The following ZFPM2 variants were observed in gnomAD, a reference collection of about 807,000 sequenced individuals.
ZFPM2 encodes the protein zinc finger protein, FOG family member 2, also known as zinc finger protein ZFPM2.
A neutral mutation model predicts 98.6 loss-of-function variants in ZFPM2; 20 were observed. That is an observed-to-expected ratio of 0.20 (90% CI 0.14 to 0.29). The LOEUF (loss-of-function observed/expected upper bound fraction) is 0.29, where lower values mean the gene tolerates loss of function less well. Ranked by LOEUF, ZFPM2 falls within the 10% of genes least tolerant of loss-of-function variation. The probability of loss-of-function intolerance (pLI) is 1.00; values close to 1 mark genes in which losing one functional copy is unlikely to be tolerated. For missense variants in ZFPM2, 1,310 were observed against 1,388.6 expected (o/e 0.94, Z 0.90); for synonymous variants, 518 against 502.7 (o/e 1.03, Z -0.41).
At chr8:105,326,205 A>C (rs1812112431) in intron 1 of ZFPM2, among the ~76,000 whole-genome samples, 1 of 151,788 alleles carries the variant, frequency 6.6e-6, no homozygotes, top group African/African-American at 2.4e-5. Context: ...ATTCCTACAA[A>C]TATAATAAAA....
intron 5 of ZFPM2, among the ~76,000 whole-genome samples, chr8:105,634,884 A>G (rs974056972): frequency 1.3e-5 from 2 of 152,162 alleles, no homozygotes; most frequent in African/African-American, 4.8e-5. Context: ...TCTAAAGAGG[A>G]AGCTGATGAC....
At chr8:105,739,161 C>T (rs902779694) in intron 5 of ZFPM2, among the ~76,000 whole-genome samples, 1 of 151,994 alleles carries the variant, frequency 6.6e-6, no homozygotes, top group African/African-American at 2.4e-5. Flanking sequence ...CTGTAAACAA[C>T]TGCATGTTTT....
chr8:105,631,383 A>G (rs1816752324), intron 4 of ZFPM2, among the ~76,000 whole-genome samples: 1 of 152,206 alleles, frequency 6.6e-6, no homozygotes, highest in Admixed American at 6.5e-5. Flanking sequence ...TGCTTTCTAC[A>G]TAGCAAAAAG....
In ZFPM2 at chr8:105,803,054, A is replaced by T; in HGVS notation, c.2972A>T (p.Asp991Val). 1 of 1,613,736 alleles carries T rather than the reference A, an allele frequency of 6.2e-7. No homozygotes were observed. The highest frequency in any genetic ancestry group is 1.1e-5 in the South Asian group (1 of 91,056). Reference protein sequence around the residue: ...LSPYYGIKPSDYISGSLVIHN... With the variant: ...LSPYYGIKPSVYISGSLVIHN... ...CCATATTATGGAATCAAGCCAAGTGATTATATTTCTGGTTCTCTTGTCATC... is the reference window on the plus strand; with the variant it reads ...CCATATTATGGAATCAAGCCAAGTGTTTATATTTCTGGTTCTCTTGTCATC... Residue 991 changes from aspartate to valine, a missense_variant, in exon 8 of 8, where the codon GAT becomes GTT. By Grantham distance (152) the Asp-to-Val change is radical. Coordinates refer to ENST00000407775, the MANE Select transcript of ZFPM2 (RefSeq NM_012082.4).
chr8:105,627,411 A>G (rs527853736), intron 4 of ZFPM2, among the ~76,000 whole-genome samples: 2 of 152,262 alleles, frequency 1.3e-5, no homozygotes, highest in African/African-American at 4.8e-5. Flanking sequence ...AAAAGTGCAC[A>G]AGATTTCTTT....
chr8:105,564,885 G>C (rs1225976681), intron 4 of ZFPM2, among the ~76,000 whole-genome samples: 4 of 152,118 alleles, frequency 2.6e-5, no homozygotes, highest in Middle Eastern at 3.4e-3. Flanking sequence ...CTGGAGTTTT[G>C]TTACCTCTCA....
At chr8:105,497,997 G>A (rs773117340) in intron 3 of ZFPM2, among the ~76,000 whole-genome samples, 2 of 145,180 alleles carry the variant, frequency 1.4e-5, no homozygotes, top group Non-Finnish European at 3.0e-5. Context: ...TCTAACCTGG[G>A]CAACATAGGG....
intron 4 of ZFPM2, among the ~76,000 whole-genome samples, chr8:105,567,274 C>G (rs1815261372): frequency 6.6e-6 from 1 of 152,134 alleles, no homozygotes; most frequent in Non-Finnish European, 1.5e-5. Context: ...ACTTTTCTAC[C>G]TGAGCACTTT....
At chr8:105,463,952 C>A (rs1812749314) in intron 3 of ZFPM2, among the ~76,000 whole-genome samples, 1 of 151,996 alleles carries the variant, frequency 6.6e-6, no homozygotes, top group Non-Finnish European at 1.5e-5. Context: ...AATGCACATG[C>A]CAGAATTAGG....
At chr8:105,579,770 A>G (rs772881365) in intron 4 of ZFPM2, among the ~76,000 whole-genome samples, 1 of 152,278 alleles carries the variant, frequency 6.6e-6, no homozygotes, top group Non-Finnish European at 1.5e-5. Flanking sequence ...CAGTATTTCC[A>G]TGTTTCTTTC....
chr8:105,636,465 T>C (rs1816849394), intron 5 of ZFPM2, among the ~76,000 whole-genome samples: 1 of 152,178 alleles, frequency 6.6e-6, no homozygotes, highest in African/African-American at 2.4e-5. Flanking sequence ...CATGCCAAAT[T>C]GTATGTGCTT....
intron 5 of ZFPM2, among the ~76,000 whole-genome samples, chr8:105,787,909 T>G (rs1813468190): frequency 6.6e-6 from 1 of 152,232 alleles, no homozygotes; most frequent in African/African-American, 2.4e-5. Flanking sequence ...TAGATGTACT[T>G]GCATAGTTAA....
chr8:105,437,266 A>G (rs1035323560), intron 2 of ZFPM2, among the ~76,000 whole-genome samples: 1 of 152,194 alleles, frequency 6.6e-6, no homozygotes, highest in Admixed American at 6.5e-5. Context: ...ATACTCGGCA[A>G]TACTTATTTT....
At chr8:105,770,354 T>C (rs1812952837) in intron 5 of ZFPM2, among the ~76,000 whole-genome samples, 1 of 152,044 alleles carries the variant, frequency 6.6e-6, no homozygotes, top group Non-Finnish European at 1.5e-5. Flanking sequence ...AGAGTGTGGG[T>C]CTTTGAACTT....
intron 1 of ZFPM2, among the ~76,000 whole-genome samples, chr8:105,330,539 T>TCTCTATATATATAC (rs1563606403): frequency 2.9e-5 from 2 of 69,654 alleles, no homozygotes; most frequent in South Asian, 5.6e-4. Flanking sequence ...TCTCTCTCTC[T>TCTCTATATATATAC]ATATATATAT....
chr8:105,528,507 T>C (rs554219968), intron 3 of ZFPM2, among the ~76,000 whole-genome samples: 1 of 152,284 alleles, frequency 6.6e-6, no homozygotes, highest in African/African-American at 2.4e-5. Context: ...TTCTGGCCTG[T>C]TTTGTTTCCA....
At chr8:105,727,772 A>G (rs1030595640) in intron 5 of ZFPM2, among the ~76,000 whole-genome samples, 5 of 151,802 alleles carry the variant, frequency 3.3e-5, no homozygotes, top group African/African-American at 1.2e-4. Context: ...TATGCCAACC[A>G]TGTGCTGGGG....
intron 4 of ZFPM2, among the ~76,000 whole-genome samples, chr8:105,587,446 C>G (rs2130756735): frequency 6.6e-6 from 1 of 152,230 alleles, no homozygotes. Flanking sequence ...AGACATTTTA[C>G]TATGTTAATT....
chr8:105,632,623 A>G (rs1355408426), intron 4 of ZFPM2, among the ~76,000 whole-genome samples: 2 of 152,212 alleles, frequency 1.3e-5, no homozygotes, highest in African/African-American at 2.4e-5. Flanking sequence ...TGAAAATTGA[A>G]ATACAAAATA....
Sources: allele counts gnomAD v4.1 joint callset (sites outside exome capture counted in the v4.1 genomes callset), GRCh38; gene constraint gnomAD v4.1.1; transcripts MANE v1.5; gene names NCBI Gene and HGNC (gene_info 2026-07-23, HGNC 2026-07-21).